The following HRH1 variants were observed in gnomAD, a reference collection of about 807,000 sequenced individuals.
HRH1 encodes the protein histamine receptor H1.
In HRH1, 6 loss-of-function variants were observed where a neutral mutation model predicts 10.3. The ratio of observed to expected loss-of-function variants is 0.58; its 90% confidence interval spans 0.32 to 1.15. The LOEUF (loss-of-function observed/expected upper bound fraction) is 1.15. Ranked by LOEUF, HRH1 falls within the 50% of genes most tolerant of loss-of-function variation. HRH1 has a pLI of 0.05. For synonymous variants in HRH1, 242 were observed against 236.7 expected (o/e 1.02, Z -0.21); for missense variants, 514 against 615.3 (o/e 0.84, Z 1.74).
rs552379795 is a variant in HRH1, at chr3:11,247,121, G to C, written c.-35-11882G>C. ...GGTGGATCACTGAGGTCAGGAGTTC[G>C]AGACCAGCCTAACCAATATGGTGAA... On this transcript the variant is annotated intron_variant, in intron 1 of 1. Coordinates refer to ENST00000431010, the MANE Select transcript of HRH1 (RefSeq NM_001098212.2). Among the ~76,000 whole-genome samples, 4 of 152,164 alleles carry C rather than the reference G, an allele frequency of 2.6e-5. No homozygotes were observed. In the South Asian group the frequency reaches 8.3e-4, roughly 32 times the overall value.
At position 11,259,646 on chromosome 3, in the gene HRH1, C is replaced by T; in HGVS notation, c.609C>T (p.Thr203=). 6.2e-7 allele frequency: 1 copy of T among 1,614,108 alleles called. No homozygotes were observed. Among genetic ancestry groups the T allele is most frequent in the Non-Finnish European group, 8.5e-7 (1 of 1,180,030 alleles). Residue 203 remains threonine (T), a synonymous_variant, in exon 2 of 2, where the codon ACC becomes ACT. Transcript: ENST00000431010. This position sits in a 1 kb window ranked among gnomAD's most constrained non-coding sequence, Gnocchi z 4.6. ...CCATCATCAACTTCTACCTGCCCACCTTGCTCATGCTCTGGTTCTATGCCA... is the reference window on the plus strand; with the variant it reads ...CCATCATCAACTTCTACCTGCCCACTTTGCTCATGCTCTGGTTCTATGCCA... ...MTAIINFYLP[T]LLMLWFYAKI...
At chr3:11,226,705 G>A (rs958591886) in intron 1 of HRH1, among the ~76,000 whole-genome samples, 4 of 151,940 alleles carry the variant, frequency 2.6e-5, no homozygotes, top group African/African-American at 9.7e-5. Flanking sequence ...GGCCAACATG[G>A]TGAAACCCCG....
chr3:11,199,995 A>G (rs1052845495), intron 1 of HRH1, among the ~76,000 whole-genome samples: 1 of 152,224 alleles, frequency 6.6e-6, no homozygotes, highest in African/African-American at 2.4e-5. Context: ...AGTAGTGGAC[A>G]TGACACATGT....
At chr3:11,194,148 G>A (rs2125022989) in intron 1 of HRH1, among the ~76,000 whole-genome samples, 1 of 152,330 alleles carries the variant, frequency 6.6e-6, no homozygotes, top group East Asian at 1.9e-4. Context: ...GCCTTTATGA[G>A]ATGCTTGTAT....
chr3:11,192,318 A>G (rs1336347040), intron 1 of HRH1, among the ~76,000 whole-genome samples: 2 of 149,592 alleles, frequency 1.3e-5, no homozygotes, highest in Non-Finnish European at 3.0e-5. Context: ...AACAACATAG[A>G]TGGCTTTTGC....
At chr3:11,208,650 A>G (rs1938220649) in intron 1 of HRH1, among the ~76,000 whole-genome samples, 1 of 152,244 alleles carries the variant, frequency 6.6e-6, no homozygotes, top group Non-Finnish European at 1.5e-5. Flanking sequence ...AAATATGATT[A>G]TGTACCGTTT....
intron 1 of HRH1, among the ~76,000 whole-genome samples, chr3:11,224,436 G>T (rs923345578): frequency 6.6e-6 from 1 of 152,164 alleles, no homozygotes; most frequent in Non-Finnish European, 1.5e-5. Context: ...GGTGGCTCAC[G>T]CCTGTAATCC....
At chr3:11,252,948 G>T (rs1448119603) in intron 1 of HRH1, among the ~76,000 whole-genome samples, 1 of 151,962 alleles carries the variant, frequency 6.6e-6, no homozygotes, top group Non-Finnish European at 1.5e-5. Flanking sequence ...ATTAGGGAGG[G>T]GAGGGGAGGA....
chr3:11,160,036 A>G (rs1199642896), intron 1 of HRH1, among the ~76,000 whole-genome samples: 2 of 152,316 alleles, frequency 1.3e-5, no homozygotes, highest in African/African-American at 4.8e-5. Flanking sequence ...AAACCTTAAT[A>G]TCTGCTGAAG....
intron 1 of HRH1, among the ~76,000 whole-genome samples, chr3:11,212,901 G>A (rs1938374078): frequency 6.6e-6 from 1 of 151,952 alleles, no homozygotes; most frequent in South Asian, 2.1e-4. Context: ...TAAACTCCTC[G>A]CTGCCTCTCC....
At chr3:11,258,645 T>C (rs148586568) in intron 1 of HRH1, among the ~76,000 whole-genome samples, 18 of 152,306 alleles carry the variant, frequency 1.2e-4, no homozygotes, top group African/African-American at 3.8e-4. Flanking sequence ...CTTAGACACA[T>C]GAGGATGCAG....
At chr3:11,165,239 T>C (rs577008903) in intron 1 of HRH1, among the ~76,000 whole-genome samples, 2 of 152,204 alleles carry the variant, frequency 1.3e-5, no homozygotes, top group Non-Finnish European at 2.9e-5. Flanking sequence ...CCTGAAACAT[T>C]TGGGGCAATA....
chr3:11,260,336 C>A lies in HRH1; in HGVS notation c.1299C>A (p.Ile433=), dbSNP rs1298069718. 1.9e-6 allele frequency: 3 copies of A among 1,614,102 alleles called. No homozygotes were observed. The highest frequency in any genetic ancestry group is 2.5e-6 in the Non-Finnish European group (3 of 1,180,054). ...TCCTCTGCTGGATCCCTTATTTCATCTTCTTCATGGTCATTGCCTTCTGCA... is the reference window on the plus strand; with the variant it reads ...TCCTCTGCTGGATCCCTTATTTCATATTCTTCATGGTCATTGCCTTCTGCA... The part of the protein sequence containing the change: ...AFILCWIPYF[I]FFMVIAFCKN... The change falls in exon 2 of 2, where the codon ATC becomes ATA. Residue 433 remains isoleucine (I), a synonymous_variant. Coordinates refer to ENST00000431010, the MANE Select transcript of HRH1 (RefSeq NM_001098212.2).
intron 1 of HRH1, among the ~76,000 whole-genome samples, chr3:11,155,981 G>T (rs934934006): frequency 3.3e-5 from 5 of 152,140 alleles, no homozygotes; most frequent in Admixed American, 6.5e-5. Context: ...GACAGAATTG[G>T]GGTTTGAACA....
intron 1 of HRH1, among the ~76,000 whole-genome samples, chr3:11,194,093 T>C (rs2125022948): frequency 6.6e-6 from 1 of 152,322 alleles, no homozygotes; most frequent in Non-Finnish European, 1.5e-5. Context: ...ATGTGTAGTA[T>C]AAGCATGTGC....
chr3:11,252,947 G>A (rs1240524533), intron 1 of HRH1, among the ~76,000 whole-genome samples: 1 of 152,034 alleles, frequency 6.6e-6, no homozygotes, highest in East Asian at 1.9e-4. Flanking sequence ...GATTAGGGAG[G>A]GGAGGGGAGG....
At chr3:11,233,031 GT>G (rs1227113845) in intron 1 of HRH1, among the ~76,000 whole-genome samples, 6 of 152,146 alleles carry the variant, frequency 3.9e-5, no homozygotes, top group African/African-American at 1.2e-4. Context: ...ATACTTTCAA[GT>G]TTTTTTGTCT....
intron 1 of HRH1, among the ~76,000 whole-genome samples, chr3:11,225,793 C>T (rs1431209033): frequency 6.6e-6 from 1 of 152,252 alleles, no homozygotes; most frequent in Non-Finnish European, 1.5e-5. Context: ...TCAGGCGACT[C>T]ACATGCCTCA....
At chr3:11,156,954 A>G (rs1402886685) in intron 1 of HRH1, among the ~76,000 whole-genome samples, 1 of 152,218 alleles carries the variant, frequency 6.6e-6, no homozygotes, top group Non-Finnish European at 1.5e-5. Context: ...CTGAGACTTG[A>G]AGTCTCAGTG....
Sources: gnomAD v4.1 joint callset for allele counts (sites outside exome capture counted in the v4.1 genomes callset) on GRCh38, gnomAD v4.1.1 for gene constraint, Gnocchi (gnomAD v3.1) non-coding constraint, MANE v1.5 for transcripts, NCBI Gene and HGNC (gene_info 2026-07-23, HGNC 2026-07-21) for gene names.